Variants in GABRB1 observed in about 807,000 individuals in gnomAD.
The protein encoded by GABRB1 is gamma-aminobutyric acid type A receptor subunit beta1.
GABRB1 carries 17 observed loss-of-function variants against 51.6 expected under a neutral mutation model. The observed-to-expected ratio is 0.33, with a 90% confidence interval of 0.23 to 0.49. GABRB1 has a LOEUF of 0.49. Ranked by LOEUF, GABRB1 falls within the 20% of genes least tolerant of loss-of-function variation. GABRB1 has a pLI of 0.99. For missense variants in GABRB1, 410 were observed against 600.6 expected (o/e 0.68, Z 3.32); for synonymous variants, 247 against 218.9 (o/e 1.13, Z -1.14).
At chr4:47,324,203 C>G (rs1276796430) in intron 5 of GABRB1, among the ~76,000 whole-genome samples, 1 of 152,152 alleles carries the variant, frequency 6.6e-6, no homozygotes, top group Non-Finnish European at 1.5e-5. Flanking sequence ...TTTAAACTTT[C>G]TTATTCTTCA....
rs1560580315 is a variant in GABRB1, at chr4:47,195,440, A to AT, written c.461+33972dup. Among the ~76,000 whole-genome samples, 4 of 107,130 alleles carry AT rather than the reference A, an allele frequency of 3.7e-5. No individual in the cohort carries two copies. In the East Asian group the frequency reaches 9.8e-4, roughly 26 times the overall value. 70.3% of individuals were successfully genotyped at this position (107,130 alleles called of 152,430 possible). A position where few individuals can be genotyped will look rare whatever the true frequency, so the allele number is the denominator to read the frequency against. On this transcript the variant is annotated intron_variant, in intron 4 of 8. Transcript: ENST00000295454. The stretch of plus-strand genomic sequence containing the variant: ...GATAGATAGATAGATAGATAGATAG[A>AT]TAGATGATAGATAGATTAGATGATA...
intron 4 of GABRB1, among the ~76,000 whole-genome samples, chr4:47,305,959 C>T (rs532910210): frequency 6.6e-6 from 1 of 152,144 alleles, no homozygotes; most frequent in East Asian, 1.9e-4. Flanking sequence ...GTGCTGACCT[C>T]ATAACAAAGT....
intron 4 of GABRB1, among the ~76,000 whole-genome samples, chr4:47,262,823 G>T (rs1470185327): frequency 2.0e-5 from 3 of 152,004 alleles, no homozygotes; most frequent in Non-Finnish European, 2.9e-5. Context: ...ACTGGATTAA[G>T]AAAATGTGGC....
At chr4:47,319,682 G>C (rs187627528) in intron 4 of GABRB1, among the ~76,000 whole-genome samples, 5 of 152,292 alleles carry the variant, frequency 3.3e-5, no homozygotes, top group Non-Finnish European at 4.4e-5. Context: ...TTTGGAATTA[G>C]AGTGAAGCTG....
At chr4:47,034,530 C>T (rs1029998125) in intron 3 of GABRB1, among the ~76,000 whole-genome samples, 1 of 152,054 alleles carries the variant, frequency 6.6e-6, no homozygotes, top group Non-Finnish European at 1.5e-5. Context: ...TACTACAATC[C>T]CCATTACCTT....
chr4:47,028,309 T>A (rs1353442862), upstream of GABRB1, among the ~76,000 whole-genome samples: 2 of 151,782 alleles, frequency 1.3e-5, no homozygotes, highest in Non-Finnish European at 3.0e-5. Context: ...TAAGCACTTA[T>A]CCTTGAAATT....
chr4:47,144,436 C>A (rs912531771), intron 3 of GABRB1, among the ~76,000 whole-genome samples: 1 of 151,896 alleles, frequency 6.6e-6, no homozygotes, highest in Non-Finnish European at 1.5e-5. Flanking sequence ...AGGGGTCTTT[C>A]ATATACCAAT....
chr4:47,390,957 C>A (rs1014560208), intron 5 of GABRB1, among the ~76,000 whole-genome samples: 2 of 152,010 alleles, frequency 1.3e-5, no homozygotes, highest in Non-Finnish European at 2.9e-5. Flanking sequence ...GGGGACGGGT[C>A]ATGAGGTCAA....
intron 3 of GABRB1, among the ~76,000 whole-genome samples, chr4:47,092,161 CTTTCTTTTTTT>C (rs1337961208): frequency 4.4e-5 from 3 of 68,228 alleles, no homozygotes; most frequent in Non-Finnish European, 8.5e-5. Context: ...TTCTTTCTTT[CTTTCTTTTTTT>C]TTTTTTTTTT....
At chr4:47,283,607 C>A (rs1183814118) in intron 4 of GABRB1, among the ~76,000 whole-genome samples, 1 of 151,504 alleles carries the variant, frequency 6.6e-6, no homozygotes, top group African/African-American at 2.4e-5. Context: ...CCAGGATGGT[C>A]TCCATCTCCT....
At chr4:47,080,083 C>A (rs1727761690) in intron 3 of GABRB1, among the ~76,000 whole-genome samples, 1 of 151,856 alleles carries the variant, frequency 6.6e-6, no homozygotes, top group African/African-American at 2.4e-5. Context: ...CAGAATGAAA[C>A]CCAACTGGCT....
At chr4:47,285,114 T>TA (rs1723459384) in intron 4 of GABRB1, among the ~76,000 whole-genome samples, 2 of 152,310 alleles carry the variant, frequency 1.3e-5, no homozygotes, top group South Asian at 4.1e-4. Context: ...AGCCTAGTGA[T>TA]AAAAAATTGA....
chr4:47,117,964 A>T (rs1457413078), intron 3 of GABRB1, among the ~76,000 whole-genome samples: 1 of 152,196 alleles, frequency 6.6e-6, no homozygotes, highest in Non-Finnish European at 1.5e-5. Flanking sequence ...TTTCTTGCTA[A>T]ATTCTTGAAG....
At chr4:47,283,521 G>A (rs1723380430) in intron 4 of GABRB1, among the ~76,000 whole-genome samples, 1 of 150,642 alleles carries the variant, frequency 6.6e-6, no homozygotes, top group Non-Finnish European at 1.5e-5. Context: ...GAGTAGCTGG[G>A]ACTACAGGAG....
chr4:47,144,354 T>C (rs542524273), intron 3 of GABRB1, among the ~76,000 whole-genome samples: 1 of 152,102 alleles, frequency 6.6e-6, no homozygotes, highest in South Asian at 2.1e-4. Context: ...AAAGCTGTGC[T>C]CCCTCTGAAG....
intron 5 of GABRB1, among the ~76,000 whole-genome samples, chr4:47,333,044 T>C (rs1489938663): frequency 6.7e-6 from 1 of 149,264 alleles, no homozygotes; most frequent in Non-Finnish European, 1.5e-5. Flanking sequence ...AGAAGTCAAG[T>C]TGTTACAAGA....
chr4:47,272,080 C>T (rs902709720), intron 4 of GABRB1, among the ~76,000 whole-genome samples: 2 of 152,146 alleles, frequency 1.3e-5, no homozygotes, highest in Non-Finnish European at 2.9e-5. Context: ...ACCCGTGTTC[C>T]TCTCTTTTGG....
At chr4:47,150,045 T>C (rs1717356055) in intron 3 of GABRB1, among the ~76,000 whole-genome samples, 1 of 151,978 alleles carries the variant, frequency 6.6e-6, no homozygotes, top group Non-Finnish European at 1.5e-5. Context: ...TAGAAAATGA[T>C]GGTTCCAAAG....
chr4:47,188,435 A>G (rs1276376617), intron 4 of GABRB1, among the ~76,000 whole-genome samples: 1 of 151,880 alleles, frequency 6.6e-6, no homozygotes, highest in Non-Finnish European at 1.5e-5. Flanking sequence ...TCCCAAATCT[A>G]ATTGACCTTC....
Sources: allele counts gnomAD v4.1 joint callset (sites outside exome capture counted in the v4.1 genomes callset), GRCh38; gene constraint gnomAD v4.1.1; transcripts MANE v1.5; gene names NCBI Gene and HGNC (gene_info 2026-07-23, HGNC 2026-07-21).